The following WTIP variants were observed in gnomAD, a reference collection of about 807,000 sequenced individuals.
WTIP encodes Wilms tumor protein 1-interacting protein.
In WTIP, 23 loss-of-function variants were observed where a neutral mutation model predicts 41.7. The observed-to-expected ratio is 0.55, with a 90% CI of 0.40 to 0.78. The LOEUF (loss-of-function observed/expected upper bound fraction) is 0.78. Ranked by LOEUF, WTIP falls within the 30% of genes least tolerant of loss-of-function variation. The pLI is 0.00. For missense variants in WTIP, 619 were observed against 610.5 expected, an observed-to-expected ratio of 1.01 and a Z score of -0.15; for synonymous variants, 314 against 269.9, an observed-to-expected ratio of 1.16 and a Z score of -1.60.
chr19:34,495,871 G>A (rs35570240), intron 7 of WTIP, 100 bp downstream of exon 7: 637,495 of 1,283,924 alleles, frequency 0.5, 169,519 homozygotes, highest in Non-Finnish European at 0.56. Flanking sequence ...CAAAATTTTA[G>A]TTTTGCCAGG....
chr19:34,482,421 C>T lies in WTIP; in HGVS notation c.447C>T (p.Ser149=), dbSNP rs1012404674. The T allele has an allele frequency of 1.6e-5, 22 of 1,353,792 alleles. No homozygotes were observed. In the African/African-American group the frequency reaches 3.1e-4, roughly 19 times the overall value. 83.9% of individuals were successfully genotyped at this position (1,353,792 alleles called of 1,614,324 possible). ...SARSSVSSLG[S]RGSAGAYADF... is the part of the protein sequence containing the mutation. ...GCTCCAGCGTTTCCAGCCTCGGCTC[C>T]CGGGGCTCGGCCGGCGCCTACGCTG... Residue 149 remains serine, a synonymous_variant, in exon 1 of 8, where the codon TCC becomes TCT. Transcript: ENST00000590071.
chr19:34,491,448 C>T (rs542802096), intron 2 of WTIP, among the ~76,000 whole-genome samples: 9 of 151,976 alleles, frequency 5.9e-5, no homozygotes, highest in Non-Finnish European at 1.0e-4. Flanking sequence ...CTCAGCCTCC[C>T]GAGTAGCTGG....
In WTIP at chr19:34,493,388, G is replaced by T; in HGVS notation, c.900+63G>T. 6.3e-7 allele frequency: 1 copy of T among 1,593,132 alleles called. No individual in the cohort carries two copies. The highest frequency in any genetic ancestry group is 8.5e-7 in the Non-Finnish European group (1 of 1,170,532). On this transcript the variant is annotated intron_variant, in intron 4 of 7. Coordinates refer to ENST00000590071, the MANE Select transcript of WTIP (RefSeq NM_001080436.2). This position sits in a 1 kb window ranked among gnomAD's most constrained non-coding sequence, Gnocchi z 4.1. ...GTGGGTGGAGTCTGAGGACTCTACC[G>T]TCTCCCCTGCTCCAGACCTGCCAGG... is the stretch of plus-strand genomic sequence containing the variant.
At position 34,482,174 on chromosome 19, in the gene WTIP, G is replaced by A. The variant is rs1397340024; in HGVS notation, c.200G>A (p.Ser67Asn). The A allele has an allele frequency of 9.2e-7, 1 of 1,091,146 alleles. No individual in the cohort carries two copies. The highest frequency in any genetic ancestry group is 6.1e-5 in the East Asian group (1 of 16,444). 67.6% of individuals were successfully genotyped at this position (1,091,146 alleles called of 1,614,324 possible). ...GGPEAGADGL[S>N]RGERGPRRAA... ...CCCGAGGCCGGGGCGGACGGACTGA[G>A]CCGCGGGGAGCGGGGTCCCCGGCGC... is the stretch of plus-strand genomic sequence containing the variant. Residue 67 changes from serine (S) to asparagine (N), a missense_variant, in exon 1 of 8, where the codon AGC (serine) becomes AAC (asparagine). Around this residue, in one of 3 missense-constraint regions of WTIP, gnomAD observed 363 missense variants for 309.0 expected, o/e 1.17. Transcript: ENST00000590071.
chr19:34,500,420 C>T lies in WTIP; in HGVS notation c.*151C>T, dbSNP rs549132702. 40 of 1,123,196 alleles carry T rather than the reference C, an allele frequency of 3.6e-5. No individual in the cohort carries two copies. The African/African-American group carries it at 5.9e-4, about 17-fold the overall frequency. 69.6% of individuals were successfully genotyped at this position (1,123,196 alleles called of 1,614,324 possible). ...GGGCCGGACCCCCGCGTGGAAGCTT[C>T]TATTTATTCACCGTCTGTGCCTGCT... On this transcript the variant is annotated 3_prime_UTR_variant, in exon 8 of 8. Coordinates refer to ENST00000590071, the MANE Select transcript of WTIP (RefSeq NM_001080436.2).
chr19:34,499,988 C>A, intron 7 of WTIP, 141 bp from the exon 8 acceptor site: 1 of 1,262,960 alleles, frequency 7.9e-7, no homozygotes, highest in Non-Finnish European at 1.1e-6. Context: ...GGTGTGAGCC[C>A]CTGCGCCCGG....
chr19:34,492,935 C>T, intron 2 of WTIP, 102 bp from the exon 3 acceptor site: 1 of 1,121,978 alleles, frequency 8.9e-7, no homozygotes, highest in Non-Finnish European at 1.3e-6. Flanking sequence ...CACCCATAAC[C>T]CAGTGTCTCA....
chr19:34,496,109 A>G (rs2075851865), intron 7 of WTIP, among the ~76,000 whole-genome samples: 1 of 152,180 alleles, frequency 6.6e-6, no homozygotes, highest in African/African-American at 2.4e-5. Context: ...GTGAGCCGAG[A>G]TTGTGCCATT....
At chr19:34,484,984 C>T (rs2075790302) in intron 1 of WTIP, among the ~76,000 whole-genome samples, 1 of 150,174 alleles carries the variant, frequency 6.7e-6, no homozygotes, top group African/African-American at 2.4e-5. Flanking sequence ...TTGTAGCGCC[C>T]TGAGAGTGTT....
intron 6 of WTIP, among the ~76,000 whole-genome samples, chr19:34,495,386 G>A (rs534799670): frequency 6.6e-6 from 1 of 151,910 alleles, no homozygotes; most frequent in East Asian, 1.9e-4. Flanking sequence ...AACAGAGAGA[G>A]ACCCTGTCTC....
chr19:34,482,829 C>A lies in WTIP; in HGVS notation c.667+188C>A, dbSNP rs928203832. The A allele has an allele frequency of 5.2e-6, 5 of 970,872 alleles. No homozygotes were observed. The African/African-American group carries it at 8.8e-5, about 17-fold the overall frequency. The allele number at this position is 970,872 out of a possible 1,614,324, so 60.1% of individuals were successfully genotyped here. A position where few individuals can be genotyped will look rare whatever the true frequency, so the allele number is the denominator to read the frequency against. On this transcript the variant is annotated intron_variant, in intron 1 of 7. Transcript: ENST00000590071. ...GGGGAGCGCAAAGGGTGAGTGAGTG[C>A]GCCTGGATCCCCAGCAGCGGCTTCA...
chr19:34,486,813 A>T (rs1446657601), intron 1 of WTIP, among the ~76,000 whole-genome samples: 4 of 152,104 alleles, frequency 2.6e-5, no homozygotes, highest in Non-Finnish European at 1.5e-5. Context: ...TAGGTGCTCC[A>T]GTCCATGTGG....
chr19:34,489,630 C>T (rs2075815466), intron 1 of WTIP, among the ~76,000 whole-genome samples: 1 of 108,676 alleles, frequency 9.2e-6, no homozygotes, highest in African/African-American at 6.8e-5. Context: ...GGGCTTAAAG[C>T]AACTGTCTTG....
chr19:34,486,642 A>G (rs1480908774), intron 1 of WTIP, among the ~76,000 whole-genome samples: 1 of 152,136 alleles, frequency 6.6e-6, no homozygotes, highest in East Asian at 1.9e-4. Context: ...CTGGGATTAC[A>G]GGCGTGAGCC....
rs1253272639 is a variant in WTIP at position 34,501,918 on chromosome 19, TG to T, written c.*1651del. On this transcript the variant is annotated 3_prime_UTR_variant, in exon 8 of 8. Coordinates refer to ENST00000590071, the MANE Select transcript of WTIP (RefSeq NM_001080436.2). ...AGTCCAGGCGTGGAGGCTCCGGTGCTGGCTCTCTCCTGCTAGCTGAGCTGCT... is the reference window on the plus strand; with the variant it reads ...AGTCCAGGCGTGGAGGCTCCGGTGCTGCTCTCTCCTGCTAGCTGAGCTGCT... 10 of 153,062 alleles carry T rather than the reference TG, an allele frequency of 6.5e-5. No individual in the cohort carries two copies. The highest frequency in any genetic ancestry group is 1.0e-4 in the Non-Finnish European group (7 of 69,006). The allele number at this position is 153,062 out of a possible 1,614,324, so 9.5% of individuals were successfully genotyped here.
intron 1 of WTIP, among the ~76,000 whole-genome samples, chr19:34,487,102 C>CATT (rs748323710): frequency 2.1e-5 from 2 of 96,730 alleles, no homozygotes; most frequent in African/African-American, 1.0e-4. Flanking sequence ...TCCCTGCCTG[C>CATT]TTTTTTTTTT....
intron 1 of WTIP, among the ~76,000 whole-genome samples, chr19:34,484,980 C>T (rs1466349521): frequency 1.3e-5 from 2 of 148,716 alleles, no homozygotes; most frequent in African/African-American, 2.5e-5. Context: ...GCTGTTGTAG[C>T]GCCCTGAGAG....
At chr19:34,485,021 T>G (rs2075790537) in intron 1 of WTIP, among the ~76,000 whole-genome samples, 1 of 152,150 alleles carries the variant, frequency 6.6e-6, no homozygotes, top group Non-Finnish European at 1.5e-5. Context: ...ACCTTTTTTA[T>G]TTTGTTTTCA....
chr19:34,486,120 A>AG (rs1568396779), intron 1 of WTIP, among the ~76,000 whole-genome samples: 1 of 78,408 alleles, frequency 1.3e-5, no homozygotes, highest in Non-Finnish European at 4.1e-5. Context: ...CCAGGGCCAC[A>AG]CCGTTTTCCC....
Sources: allele counts gnomAD v4.1 joint callset (sites outside exome capture counted in the v4.1 genomes callset), GRCh38; gene constraint gnomAD v4.1.1; regional missense constraint gnomAD v4.1.1; non-coding constraint Gnocchi (gnomAD v3.1); transcripts MANE v1.5; gene names NCBI Gene and HGNC (gene_info 2026-07-23, HGNC 2026-07-21).